CCSER1: variants seen among roughly 807,000 people sequenced by gnomAD.
CCSER1 encodes the protein serine-rich coiled-coil domain-containing protein 1.
In CCSER1, 41 loss-of-function variants were observed where a neutral mutation model predicts 82.0. The observed-to-expected ratio is 0.50, with a 90% CI of 0.39 to 0.65. The LOEUF is 0.65. Ranked by LOEUF, CCSER1 falls within the 30% of genes least tolerant of loss-of-function variation. The probability of loss-of-function intolerance (pLI) is 0.00; values close to 1 mark genes in which losing one functional copy is unlikely to be tolerated. For missense variants in CCSER1, 1,119 were observed against 1,064.2 expected, an observed-to-expected ratio of 1.05 and a Z score of -0.72; for synonymous variants, 414 against 383.9, an observed-to-expected ratio of 1.08 and a Z score of -0.92.
intron 9 of CCSER1, among the ~76,000 whole-genome samples, chr4:91,065,001 C>A (rs1160216155): frequency 1.3e-5 from 2 of 150,940 alleles, no homozygotes; most frequent in Admixed American, 1.3e-4. Context: ...AGTAAAAAAT[C>A]AAGATGGTGA....
At chr4:90,390,599 C>T (rs1485440311) in intron 3 of CCSER1, among the ~76,000 whole-genome samples, 1 of 152,162 alleles carries the variant, frequency 6.6e-6, no homozygotes, top group African/African-American at 2.4e-5. Context: ...CATGTTGCTG[C>T]AAAAGACATG....
chr4:90,390,872 A>G (rs535745712), intron 3 of CCSER1, among the ~76,000 whole-genome samples: 2 of 152,182 alleles, frequency 1.3e-5, no homozygotes, highest in Non-Finnish European at 2.9e-5. Context: ...ACTCTTTTCC[A>G]TAGTGGCTCA....
intron 10 of CCSER1, among the ~76,000 whole-genome samples, chr4:91,324,858 A>C (rs1377894522): frequency 6.6e-6 from 1 of 152,150 alleles, no homozygotes; most frequent in African/African-American, 2.4e-5. Flanking sequence ...AAATATGAGA[A>C]GGACATGGAA....
intron 5 of CCSER1, among the ~76,000 whole-genome samples, chr4:90,580,772 A>G (rs1180695341): frequency 6.6e-6 from 1 of 152,172 alleles, no homozygotes; most frequent in Non-Finnish European, 1.5e-5. Flanking sequence ...AACTCTTTAC[A>G]TTTCTTGTTC....
At chr4:91,186,057 G>A (rs184083188) in intron 10 of CCSER1, among the ~76,000 whole-genome samples, 2 of 152,314 alleles carry the variant, frequency 1.3e-5, no homozygotes, top group East Asian at 3.9e-4. Context: ...CTCTCGTCTA[G>A]CTTGCTGAAT....
intron 1 of CCSER1, among the ~76,000 whole-genome samples, chr4:90,271,856 ATATATATTTT>A (rs1165676137): frequency 1.5e-3 from 38 of 26,030 alleles, no homozygotes; most frequent in Non-Finnish European, 1.7e-3. Flanking sequence ...ATATATATAT[ATATATATTTT>A]TTTTTTTTTT....
intron 1 of CCSER1, among the ~76,000 whole-genome samples, chr4:90,161,057 T>C (rs1235156131): frequency 6.6e-6 from 1 of 152,154 alleles, no homozygotes; most frequent in African/African-American, 2.4e-5. Flanking sequence ...TACCCACCTA[T>C]ATAGATGCCT....
At chr4:90,496,156 C>A (rs942837120) in intron 5 of CCSER1, among the ~76,000 whole-genome samples, 4 of 152,080 alleles carry the variant, frequency 2.6e-5, no homozygotes, top group African/African-American at 9.7e-5. Flanking sequence ...ACGATGGATG[C>A]CACTTGAAGT....
intron 10 of CCSER1, among the ~76,000 whole-genome samples, chr4:91,549,712 G>A (rs894972247): frequency 1.3e-5 from 2 of 152,092 alleles, no homozygotes; most frequent in Non-Finnish European, 2.9e-5. Context: ...TGGTGCGCCT[G>A]TAATCCCAGC....
intron 6 of CCSER1, among the ~76,000 whole-genome samples, chr4:90,696,622 C>A (rs549365311): frequency 6.6e-6 from 1 of 152,104 alleles, no homozygotes. Context: ...CATATAGACA[C>A]GTAAACAAAT....
chr4:90,399,272 A>G (rs1462793514), intron 3 of CCSER1, among the ~76,000 whole-genome samples: 2 of 152,092 alleles, frequency 1.3e-5, no homozygotes, highest in Non-Finnish European at 2.9e-5. Flanking sequence ...GTAGCCTTCT[A>G]GTTTATTTTG....
intron 10 of CCSER1, among the ~76,000 whole-genome samples, chr4:91,149,959 C>T (rs1158899685): frequency 2.0e-5 from 3 of 152,220 alleles, no homozygotes; most frequent in Admixed American, 6.5e-5. Flanking sequence ...CTTGGCAATG[C>T]AGGCTTTTTT....
intron 10 of CCSER1, among the ~76,000 whole-genome samples, chr4:91,196,178 C>CAAAAAAAAAAAAAA (rs61336014): frequency 3.3e-5 from 2 of 60,824 alleles, no homozygotes; most frequent in African/African-American, 8.5e-5. Context: ...AACAGCGAGA[C>CAAAAAAAAAAAAAA]AAAAAAAAAA....
At chr4:91,309,436 A>G (rs1010797118) in intron 10 of CCSER1, among the ~76,000 whole-genome samples, 6 of 152,012 alleles carry the variant, frequency 3.9e-5, no homozygotes, top group African/African-American at 1.4e-4. Flanking sequence ...TTCATTAAAT[A>G]GAAAGAAAGA....
intron 9 of CCSER1, among the ~76,000 whole-genome samples, chr4:91,075,916 A>G (rs1242801738): frequency 6.6e-6 from 1 of 152,142 alleles, no homozygotes; most frequent in Non-Finnish European, 1.5e-5. Flanking sequence ...GTTTCCTAGC[A>G]TAGGTTGTAA....
At chr4:90,837,559 A>G (rs183309729) in intron 8 of CCSER1, among the ~76,000 whole-genome samples, 61 of 152,330 alleles carry the variant, frequency 4.0e-4, no homozygotes, top group African/African-American at 1.2e-3. Flanking sequence ...AGTACTTAGT[A>G]CGATGACTGA....
At chr4:90,470,257 T>C (rs1348282293) in intron 5 of CCSER1, among the ~76,000 whole-genome samples, 1 of 152,214 alleles carries the variant, frequency 6.6e-6, no homozygotes, top group Non-Finnish European at 1.5e-5. Flanking sequence ...AAGGTATATA[T>C]ATCCCATATT....
chr4:91,604,013 G>A lies in CCSER1; in HGVS notation c.*4956G>A, dbSNP rs1286789093. ...TTAGGGCTTCAACATATGAATTTGG[G>A]GGGGGATATAAAAATTTAGTTTATA... is the stretch of plus-strand genomic sequence containing the variant. On this transcript the variant is annotated 3_prime_UTR_variant, in exon 11 of 11. Coordinates refer to ENST00000509176, the MANE Select transcript of CCSER1 (RefSeq NM_001145065.2). 1 of 151,868 alleles carries A rather than the reference G, an allele frequency of 6.6e-6. No homozygotes were observed. The highest frequency in any genetic ancestry group is 2.1e-4 in the South Asian group (1 of 4,816). The allele number at this position is 151,868 out of a possible 1,614,324, so 9.4% of individuals were successfully genotyped here.
intron 10 of CCSER1, among the ~76,000 whole-genome samples, chr4:91,585,794 G>GA (rs1462161517): frequency 6.6e-6 from 1 of 151,422 alleles, no homozygotes; most frequent in Admixed American, 6.6e-5. Flanking sequence ...AATGATTAAA[G>GA]AAAAAATTGT....
Sources: allele counts gnomAD v4.1 joint callset (sites outside exome capture counted in the v4.1 genomes callset), GRCh38; gene constraint gnomAD v4.1.1; transcripts MANE v1.5; gene names NCBI Gene and HGNC (gene_info 2026-07-23, HGNC 2026-07-21).